Variants in DCAF13 observed in about 807,000 individuals in gnomAD.
The protein encoded by DCAF13 is DDB1 and CUL4 associated factor 13, also known as DDB1- and CUL4-associated factor 13.
Under a neutral mutation model 59.0 loss-of-function variants are expected in DCAF13, and 38 were observed. That is an observed-to-expected ratio of 0.64 (90% CI 0.50 to 0.84). The LOEUF (loss-of-function observed/expected upper bound fraction) is 0.84. Ranked by LOEUF, DCAF13 falls within the 40% of genes least tolerant of loss-of-function variation. The probability of loss-of-function intolerance (pLI) is 0.00; values close to 1 mark genes in which losing one functional copy is unlikely to be tolerated. For synonymous variants in DCAF13, 173 were observed against 175.0 expected, an observed-to-expected ratio of 0.99 and a Z score of 0.09; for missense variants, 469 against 558.4, an observed-to-expected ratio of 0.84 and a Z score of 1.61.
chr8:103,427,471 G>A, intron 5 of DCAF13: 2 of 546,518 alleles, frequency 3.7e-6, no homozygotes, highest in Non-Finnish European at 6.5e-6. Flanking sequence ...CATTGTTAGA[G>A]GAGTGGTGTG....
chr8:103,431,485 A>C (rs1816863719), intron 6 of DCAF13, among the ~76,000 whole-genome samples: 1 of 152,332 alleles, frequency 6.6e-6, no homozygotes, highest in South Asian at 2.1e-4. Flanking sequence ...AGATATTAGG[A>C]GAGTACATTC....
Position 103,420,979 on chromosome 8 carries a change from G to C in DCAF13, c.275G>C (p.Arg92Thr), listed in dbSNP as rs1294159659. 2.1e-5 allele frequency: 34 copies of C among 1,605,084 alleles called. No homozygotes were observed. Among genetic ancestry groups the C allele is most frequent in the Non-Finnish European group, 2.9e-5 (34 of 1,172,184 alleles). ...TCCTGGTATGCCTTATCATAGGTTA[G>C]AATTTGGAATCTAACTCAGCGGAAT... ...VLSGACDGEV[R>T]IWNLTQRNCI... The change falls in exon 3 of 11, where the codon AGA becomes ACA. Residue 92 changes from arginine to threonine, a missense_variant. This residue lies in a region of DCAF13 where 355 missense variants were observed against 399.1 expected (regional missense o/e 0.89). Coordinates refer to ENST00000612750, the MANE Select transcript of DCAF13 (RefSeq NM_015420.7).
chr8:103,427,255 A>C lies in DCAF13; in HGVS notation c.624+3A>C. 1 of 1,609,010 alleles carries C rather than the reference A, an allele frequency of 6.2e-7. No homozygotes were observed. Among genetic ancestry groups the C allele is most frequent in the South Asian group, 1.1e-5 (1 of 90,336 alleles). On this transcript the variant is annotated splice_donor_region_variant and intron_variant, in intron 5 of 10. Transcript: ENST00000612750. ...GTGTTAAATTTAACCCAATTGAGGTAATGTTTTTTTTTAAGTATGTTTTAC... is the reference window on the plus strand; with the variant it reads ...GTGTTAAATTTAACCCAATTGAGGTCATGTTTTTTTTTAAGTATGTTTTAC...
At chr8:103,430,547 A>G in intron 5 of DCAF13, 65 bp from the exon 6 acceptor site, 1 of 1,042,384 alleles carries the variant, frequency 9.6e-7, no homozygotes, top group Non-Finnish European at 1.4e-6. Context: ...TCATTTGTTT[A>G]CTGAATGGAT....
In DCAF13 at chr8:103,440,256, TG is replaced by T; in HGVS notation, c.1072del (p.Glu358LysfsTer20). 1.9e-6 allele frequency: 3 copies of T among 1,586,322 alleles called. No individual in the cohort carries two copies. The East Asian group carries it at 6.9e-5, about 37-fold the overall frequency. On this transcript the variant is annotated frameshift_variant, in exon 9 of 11. Transcript: ENST00000612750. LOFTEE classifies it high-confidence loss of function. Reference protein sequence around the residue: ...NIRLWKANASEKLGVLTSREK... With the variant: ...NIRLWKANASXKLGVLTSREK... ...TTCGCCTGTGGAAAGCTAATGCTTC[TG>T]AAAAATTGGGTGTGGTAAGAGAATT...
chr8:103,420,507 A>G, intron 2 of DCAF13, 44 bp downstream of exon 2: 1 of 1,562,458 alleles, frequency 6.4e-7, no homozygotes, highest in Non-Finnish European at 8.7e-7. Context: ...AAGTAGTTAT[A>G]TTACAAATGT....
intron 2 of DCAF13, 108 bp downstream of exon 2, chr8:103,420,571 C>A: frequency 8.6e-7 from 1 of 1,158,662 alleles, no homozygotes; most frequent in Non-Finnish European, 1.2e-6. Context: ...TTTCAATTTA[C>A]TTCTCAAGAC....
intron 1 of DCAF13, among the ~76,000 whole-genome samples, chr8:103,418,852 A>ATTTATATATT (rs1563724025): frequency 3.5e-4 from 11 of 31,254 alleles, no homozygotes; most frequent in African/African-American, 1.4e-3. Flanking sequence ...ATATATATAT[A>ATTTATATATT]TATATATATA....
At position 103,426,174 on chromosome 8, in the gene DCAF13, C is replaced by T. The variant is rs375651914; in HGVS notation, c.468+29C>T. Reference sequence around the variant, plus strand: ...CAAAAGTAAATTGACTAATAGCTTGCCTATTAACATTCTTTTATTTAAAAT... The same window carrying T: ...CAAAAGTAAATTGACTAATAGCTTGTCTATTAACATTCTTTTATTTAAAAT... On this transcript the variant is annotated intron_variant, in intron 4 of 10. Transcript: ENST00000612750. 8.2e-5 allele frequency: 105 copies of T among 1,285,002 alleles called. No homozygotes were observed. In the East Asian group the frequency reaches 2.0e-3, roughly 24 times the overall value. 79.6% of individuals were successfully genotyped at this position (1,285,002 alleles called of 1,614,324 possible).
rs1277716629 is a variant in DCAF13, at chr8:103,415,400, A to T, written c.-47A>T. On this transcript the variant is annotated 5_prime_UTR_variant, in exon 1 of 11. Transcript: ENST00000612750. Reference sequence around the variant, plus strand: ...TGTGGGAGGAGGTGGCGGTGGGCGGAACTCCTAGCGGACACCTCGTGGAGT... The same window carrying T: ...TGTGGGAGGAGGTGGCGGTGGGCGGTACTCCTAGCGGACACCTCGTGGAGT... 1 of 1,614,048 alleles carries T rather than the reference A, an allele frequency of 6.2e-7. No homozygotes were observed. Among genetic ancestry groups the T allele is most frequent in the Admixed American group, 1.7e-5 (1 of 60,020 alleles).
rs114417871 is a variant in DCAF13, at chr8:103,423,468, C to T, written c.378+2386C>T. Among the ~76,000 whole-genome samples the T allele has an allele frequency of 4.9e-3, 741 of 152,172 alleles. 12 individuals are homozygous for T. Among genetic ancestry groups the T allele is most frequent in the African/African-American group, 0.015 (631 of 41,506 alleles). On this transcript the variant is annotated intron_variant, in intron 3 of 10. Coordinates refer to ENST00000612750, the MANE Select transcript of DCAF13 (RefSeq NM_015420.7). The stretch of plus-strand genomic sequence containing the variant: ...AAATAAGACAGATACCACATGATCT[C>T]AGTTGTGTGGAATCTAAAAAAGCCA...
Position 103,420,319 on chromosome 8 carries a change from A to G in DCAF13, c.126A>G (p.Ile42Met). The change falls in exon 2 of 11, where the codon ATA (isoleucine) becomes ATG (methionine). Residue 42 changes from isoleucine to methionine, a missense_variant. Transcript: ENST00000612750. ...CTTTTGAGGTCCCACGAGAATATAT[A>G]AGAGCTTTAAATGCTACCAAACTGG... The part of the protein sequence containing the change: ...LHPFEVPREY[I>M]RALNATKLER... The G allele has an allele frequency of 1.2e-6, 2 of 1,614,174 alleles. No individual in the cohort carries two copies. Among genetic ancestry groups the G allele is most frequent in the Non-Finnish European group, 1.7e-6 (2 of 1,180,036 alleles).
At chr8:103,440,095 A>T in intron 8 of DCAF13, 41 bp from the exon 9 acceptor site, 1 of 1,433,366 alleles carries the variant, frequency 7.0e-7, no homozygotes, top group African/African-American at 1.5e-5. Flanking sequence ...CAAAATCTGT[A>T]CCAAAATCCA....
intron 1 of DCAF13, among the ~76,000 whole-genome samples, chr8:103,418,945 G>A (rs1217820391): frequency 2.3e-5 from 3 of 131,256 alleles, no homozygotes; most frequent in Admixed American, 8.4e-5. Flanking sequence ...GTGCAGTGGC[G>A]CGATCTCGGC....
chr8:103,430,926 A>G (rs2130488648), intron 6 of DCAF13, among the ~76,000 whole-genome samples: 1 of 152,316 alleles, frequency 6.6e-6, no homozygotes, highest in South Asian at 2.1e-4. Context: ...GTCTTCCATG[A>G]TGCCAGTACA....
Position 103,432,691 on chromosome 8 carries a change from T to C in DCAF13, c.735T>C (p.Cys245=). Residue 245 remains cysteine, a synonymous_variant, in exon 7 of 11, where the codon TGT becomes TGC. Coordinates refer to ENST00000612750, the MANE Select transcript of DCAF13 (RefSeq NM_015420.7). ...TAGATATGAGAACAAATACAATCTG[T>C]TGGAACCCTATGGAAGCTTTCATTT... The part of the protein sequence containing the change: ...VILDMRTNTI[C]WNPMEAFIFT... 1 of 1,606,062 alleles carries C rather than the reference T, an allele frequency of 6.2e-7. No individual in the cohort carries two copies. Among genetic ancestry groups the C allele is most frequent in the Non-Finnish European group, 8.5e-7 (1 of 1,173,832 alleles).
chr8:103,442,896 C>T lies in DCAF13; in HGVS notation c.*14C>T. The T allele has an allele frequency of 6.5e-7, 1 of 1,533,800 alleles. No individual in the cohort carries two copies. The highest frequency in any genetic ancestry group is 1.2e-5 in the South Asian group (1 of 85,066). ...GTTGTAAAATAATTGGTATTCCTAA[C>T]AATCCTGATGTATAATTATTTGTTA... On this transcript the variant is annotated 3_prime_UTR_variant, in exon 11 of 11. Transcript: ENST00000612750.
chr8:103,421,126 T>A, intron 3 of DCAF13, 44 bp downstream of exon 3: 1 of 1,269,822 alleles, frequency 7.9e-7, no homozygotes, highest in Non-Finnish European at 1.2e-6. Flanking sequence ...TCAACATAGG[T>A]AAGAATAATC....
At chr8:103,427,057 A>C (rs1345450853) in intron 4 of DCAF13, 40 bp from the exon 5 acceptor site, 2 of 1,467,288 alleles carry the variant, frequency 1.4e-6, no homozygotes, top group Admixed American at 4.4e-5. Flanking sequence ...GATTTGAATT[A>C]GTAATGAAAA....
Sources: allele counts gnomAD v4.1 joint callset (sites outside exome capture counted in the v4.1 genomes callset), GRCh38; gene constraint gnomAD v4.1.1; regional missense constraint gnomAD v4.1.1; transcripts MANE v1.5; gene names NCBI Gene and HGNC (gene_info 2026-07-23, HGNC 2026-07-21).